Variants in THSD4 observed in about 807,000 individuals in gnomAD.
THSD4 encodes thrombospondin type 1 domain containing 4, also known as thrombospondin type-1 domain-containing protein 4.
Under a neutral mutation model 119.0 loss-of-function variants are expected in THSD4, and 69 were observed. The ratio of observed to expected loss-of-function variants is 0.58; its 90% confidence interval spans 0.48 to 0.71. The LOEUF (loss-of-function observed/expected upper bound fraction) is 0.71, where lower values mean the gene tolerates loss of function less well. THSD4 is among the 30% of genes least tolerant of loss of function. THSD4 has a pLI of 0.00. For synonymous variants in THSD4, 524 were observed against 540.4 expected (o/e 0.97, Z 0.42); for missense variants, 1,393 against 1,391.1 (o/e 1.00, Z -0.02).
chr15:71,289,394 A>C (rs2044761511), intron 6 of THSD4, among the ~76,000 whole-genome samples: 1 of 152,146 alleles, frequency 6.6e-6, no homozygotes, highest in African/African-American at 2.4e-5. Flanking sequence ...CTGGACGCCA[A>C]GCAGAGGTCA....
Position 71,737,925 on chromosome 15 carries a change from A to C in THSD4, c.1824A>C (p.Pro608=). ...SPHRPDNLVP[P]APQPPRRSRD... is the part of the protein sequence containing the mutation. ...ATCGACCGGACAACTTGGTGCCACC[A>C]GCACCGCAGCCCCCACGGCGCAGCC... The change falls in exon 11 of 18, where the codon CCA becomes CCC. Residue 608 remains proline, a synonymous_variant. Coordinates refer to ENST00000261862, the MANE Select transcript of THSD4 (RefSeq NM_024817.3). 6.2e-7 allele frequency: 1 copy of C among 1,614,250 alleles called. No individual in the cohort carries two copies. Among genetic ancestry groups the C allele is most frequent in the Non-Finnish European group, 8.5e-7 (1 of 1,180,034 alleles).
intron 7 of THSD4, among the ~76,000 whole-genome samples, chr15:71,431,315 A>AT (rs1415831307): frequency 6.6e-6 from 1 of 152,142 alleles, no homozygotes; most frequent in Admixed American, 6.5e-5. Flanking sequence ...AATTATTAAA[A>AT]TTTTTATACA....
At chr15:71,354,531 T>C (rs1596360919) in intron 6 of THSD4, among the ~76,000 whole-genome samples, 2 of 152,308 alleles carry the variant, frequency 1.3e-5, no homozygotes, top group East Asian at 3.9e-4. Flanking sequence ...AAAAGACTCT[T>C]CCTTTATTAA....
chr15:71,724,497 G>C (rs1289320649), intron 8 of THSD4, among the ~76,000 whole-genome samples: 1 of 151,422 alleles, frequency 6.6e-6, no homozygotes, highest in Non-Finnish European at 1.5e-5. Flanking sequence ...ATGTTGGCCA[G>C]GATGGTCTTG....
intron 15 of THSD4, among the ~76,000 whole-genome samples, chr15:71,758,834 G>GA (rs1474337608): frequency 6.6e-6 from 1 of 152,086 alleles, no homozygotes; most frequent in East Asian, 1.9e-4. Flanking sequence ...ACTGACCTTG[G>GA]AAAAAAATGC....
At chr15:71,299,597 A>G (rs1369944070) in intron 6 of THSD4, among the ~76,000 whole-genome samples, 1 of 152,212 alleles carries the variant, frequency 6.6e-6, no homozygotes, top group Non-Finnish European at 1.5e-5. Context: ...ACAAAGTTTC[A>G]GTTAGAAGGA....
chr15:71,754,863 G>A (rs1241439774), intron 14 of THSD4, among the ~76,000 whole-genome samples: 4 of 152,200 alleles, frequency 2.6e-5, no homozygotes, highest in Admixed American at 2.0e-4. Flanking sequence ...TTAACAAAGG[G>A]TGATAAACTA....
intron 6 of THSD4, among the ~76,000 whole-genome samples, chr15:71,328,183 G>A (rs1289714453): frequency 1.3e-5 from 2 of 152,134 alleles, no homozygotes; most frequent in Admixed American, 1.3e-4. Context: ...TGTTTTTATT[G>A]TTCCTCTATT....
intron 7 of THSD4, among the ~76,000 whole-genome samples, chr15:71,467,409 C>T (rs989860874): frequency 6.6e-6 from 1 of 152,088 alleles, no homozygotes; most frequent in Admixed American, 6.5e-5. Context: ...TATTTTTATG[C>T]CAGGTTTGAT....
upstream of THSD4, chr15:71,112,351 G>A: frequency 9.0e-6 from 9 of 1,002,324 alleles, no homozygotes; most frequent in Non-Finnish European, 9.9e-6. Context: ...ATTATAATAG[G>A]ACAACAGGTG....
intron 7 of THSD4, among the ~76,000 whole-genome samples, chr15:71,648,809 A>G (rs1440727133): frequency 1.3e-5 from 2 of 152,194 alleles, no homozygotes; most frequent in African/African-American, 4.8e-5. Context: ...CGTCTCGAGG[A>G]GAAGGAGAGG....
At chr15:71,256,821 G>A in intron 6 of THSD4, 106 bp downstream of exon 6, 1 of 983,020 alleles carries the variant, frequency 1.0e-6, no homozygotes, top group Non-Finnish European at 1.5e-6. Context: ...TGGCTGGGGT[G>A]TCAATAGGGG....
chr15:71,425,724 G>A (rs887858103), intron 7 of THSD4, among the ~76,000 whole-genome samples: 1 of 152,220 alleles, frequency 6.6e-6, no homozygotes, highest in African/African-American at 2.4e-5. Flanking sequence ...TGAAATAAAT[G>A]TGTAAATGAA....
intron 2 of THSD4, among the ~76,000 whole-genome samples, chr15:71,150,287 G>C (rs2040708056): frequency 6.6e-6 from 1 of 152,218 alleles, no homozygotes; most frequent in African/African-American, 2.4e-5. Flanking sequence ...ATTTGGGCTA[G>C]ATTGTTGGTG....
intron 17 of THSD4, among the ~76,000 whole-genome samples, chr15:71,772,441 A>C (rs535931985): frequency 3.7e-4 from 56 of 152,376 alleles, no homozygotes; most frequent in African/African-American, 1.3e-3. Flanking sequence ...AATAAATAAA[A>C]GTAAGAAAGC....
chr15:71,590,971 A>G (rs974705203), intron 7 of THSD4, among the ~76,000 whole-genome samples: 3 of 128,668 alleles, frequency 2.3e-5, no homozygotes, highest in Non-Finnish European at 4.7e-5. Context: ...ACGCCACTGC[A>G]TTCCAGCCTG....
intron 7 of THSD4, among the ~76,000 whole-genome samples, chr15:71,476,465 C>T (rs2047657046): frequency 6.6e-6 from 1 of 152,134 alleles, no homozygotes; most frequent in South Asian, 2.1e-4. Flanking sequence ...TGGTCTCGAA[C>T]TCGTGACCTC....
At chr15:71,311,306 C>T (rs945014583) in intron 6 of THSD4, among the ~76,000 whole-genome samples, 2 of 152,188 alleles carry the variant, frequency 1.3e-5, no homozygotes, top group African/African-American at 4.8e-5. Flanking sequence ...CAGAAGTGCA[C>T]CCCAGTGGCA....
intron 7 of THSD4, among the ~76,000 whole-genome samples, chr15:71,447,124 T>A (rs2047195802): frequency 7.2e-6 from 1 of 138,156 alleles, no homozygotes; most frequent in Non-Finnish European, 1.6e-5. Context: ...TTTTGTTTTT[T>A]TTTTTTTTTT....
Sources: gnomAD v4.1 joint callset for allele counts (sites outside exome capture counted in the v4.1 genomes callset) on GRCh38, gnomAD v4.1.1 for gene constraint, MANE v1.5 for transcripts, NCBI Gene and HGNC (gene_info 2026-07-23, HGNC 2026-07-21) for gene names.